SMYD3: variants seen among roughly 807,000 people sequenced by gnomAD.
SMYD3 encodes histone-lysine N-methyltransferase SMYD3.
SMYD3 carries 36 observed loss-of-function variants against 57.7 expected under a neutral mutation model. The ratio of observed to expected loss-of-function variants is 0.62; its 90% confidence interval spans 0.48 to 0.82. The LOEUF is 0.82. Ranked by LOEUF, SMYD3 falls within the 40% of genes least tolerant of loss-of-function variation. SMYD3 has a pLI of 0.00. For synonymous variants in SMYD3, 211 were observed against 195.0 expected, an observed-to-expected ratio of 1.08 and a Z score of -0.68; for missense variants, 515 against 538.8, an observed-to-expected ratio of 0.96 and a Z score of 0.44.
intron 10 of SMYD3, among the ~76,000 whole-genome samples, chr1:245,830,423 A>G (rs1418336964): frequency 6.6e-6 from 1 of 152,194 alleles, no homozygotes; most frequent in East Asian, 1.9e-4. Context: ...GGAGAACAGT[A>G]TGGGGGAAAC....
chr1:245,859,642 G>A (rs2051429962), intron 9 of SMYD3, among the ~76,000 whole-genome samples: 1 of 152,336 alleles, frequency 6.6e-6, no homozygotes, highest in Admixed American at 6.5e-5. Context: ...TGTGCGGTGT[G>A]TTAGGCGAGC....
At chr1:245,884,927 C>T (rs970029350) in intron 8 of SMYD3, among the ~76,000 whole-genome samples, 2 of 152,130 alleles carry the variant, frequency 1.3e-5, no homozygotes, top group Middle Eastern at 3.2e-3. Context: ...CTCGGGTCCC[C>T]TTCCACGCTG....
At chr1:245,926,798 G>A (rs2147831274) in intron 7 of SMYD3, among the ~76,000 whole-genome samples, 1 of 152,304 alleles carries the variant, frequency 6.6e-6, no homozygotes, top group African/African-American at 2.4e-5. Flanking sequence ...GCCCCCAAAT[G>A]AATATTGCTG....
At chr1:246,253,469 A>G (rs1443405668) in intron 5 of SMYD3, among the ~76,000 whole-genome samples, 1 of 152,168 alleles carries the variant, frequency 6.6e-6, no homozygotes, top group East Asian at 1.9e-4. Flanking sequence ...TTAAGGCCAC[A>G]TTGTATTCTG....
At chr1:246,052,493 C>T (rs907464035) in intron 5 of SMYD3, 5 of 152,236 alleles carry the variant, frequency 3.3e-5, no homozygotes, top group East Asian at 3.9e-4. Flanking sequence ...TCTAATAGTA[C>T]GCAAGTCCAC....
At chr1:246,047,776 G>T (rs1038316631) in intron 5 of SMYD3, among the ~76,000 whole-genome samples, 1 of 151,938 alleles carries the variant, frequency 6.6e-6, no homozygotes, top group East Asian at 1.9e-4. Flanking sequence ...GGAGGTCAAG[G>T]CTACAGTGAG....
intron 5 of SMYD3, among the ~76,000 whole-genome samples, chr1:246,013,372 G>C (rs931716432): frequency 6.6e-6 from 1 of 152,074 alleles, no homozygotes; most frequent in Non-Finnish European, 1.5e-5. Context: ...TAGGGATGGG[G>C]CTTCACCATG....
At chr1:246,074,182 C>T (rs2060505333) in intron 5 of SMYD3, among the ~76,000 whole-genome samples, 1 of 152,064 alleles carries the variant, frequency 6.6e-6, no homozygotes, top group African/African-American at 2.4e-5. Flanking sequence ...ACACCCCTGG[C>T]CCAGGTCAGT....
At chr1:245,827,174 C>T (rs10802273) in intron 10 of SMYD3, among the ~76,000 whole-genome samples, 127,390 of 152,112 alleles carry the variant, frequency 0.84, 54,856 homozygotes, top group Non-Finnish European at 0.95. Flanking sequence ...GGAGATTAAA[C>T]GGCACGTTCA....
At chr1:246,093,550 T>C (rs1441028201) in intron 5 of SMYD3, among the ~76,000 whole-genome samples, 1 of 152,186 alleles carries the variant, frequency 6.6e-6, no homozygotes, top group Non-Finnish European at 1.5e-5. Flanking sequence ...CTCACTCACA[T>C]GTGGGAGCTA....
At chr1:246,302,307 T>A (rs2064904133) in intron 5 of SMYD3, among the ~76,000 whole-genome samples, 1 of 152,194 alleles carries the variant, frequency 6.6e-6, no homozygotes, top group African/African-American at 2.4e-5. Flanking sequence ...ACCCTAATAA[T>A]GTTGTTTGAG....
intron 5 of SMYD3, among the ~76,000 whole-genome samples, chr1:245,936,415 T>C (rs191861841): frequency 2.7e-4 from 41 of 152,170 alleles, no homozygotes; most frequent in Non-Finnish European, 5.4e-4. Context: ...AGTGTGTGAT[T>C]TGGAATGTGC....
At chr1:246,327,402 G>T in intron 4 of SMYD3, 65 bp from the exon 5 acceptor site, 1 of 1,398,900 alleles carries the variant, frequency 7.1e-7, no homozygotes, top group Non-Finnish European at 9.9e-7. Context: ...ATTTTCAAGT[G>T]TTCAATGCTG....
chr1:246,181,563 T>G (rs2062551712), intron 5 of SMYD3, among the ~76,000 whole-genome samples: 1 of 152,170 alleles, frequency 6.6e-6, no homozygotes, highest in African/African-American at 2.4e-5. Flanking sequence ...CAACCAAAGA[T>G]CTCCTCTACA....
chr1:245,968,322 C>T (rs938339814), intron 5 of SMYD3, among the ~76,000 whole-genome samples: 1 of 151,840 alleles, frequency 6.6e-6, no homozygotes, highest in Non-Finnish European at 1.5e-5. Context: ...ATCTATTCTC[C>T]ATTCCCTGAC....
At chr1:245,970,811 G>A (rs1421012125) in intron 5 of SMYD3, among the ~76,000 whole-genome samples, 1 of 152,180 alleles carries the variant, frequency 6.6e-6, no homozygotes, top group African/African-American at 2.4e-5. Context: ...GTGCTGGAGA[G>A]GATGTGGAAA....
intron 7 of SMYD3, among the ~76,000 whole-genome samples, chr1:245,917,805 T>A (rs573501932): frequency 3.9e-5 from 6 of 152,266 alleles, no homozygotes; most frequent in Middle Eastern, 3.4e-3. Flanking sequence ...GGGGGAGAAG[T>A]GAAGACTTTG....
intron 10 of SMYD3, among the ~76,000 whole-genome samples, chr1:245,844,794 A>G (rs577155741): frequency 4.5e-4 from 68 of 152,182 alleles, no homozygotes; most frequent in African/African-American, 1.5e-3. Flanking sequence ...CATGGGTCAC[A>G]TGACCAGGGA....
At chr1:246,060,582 A>ATTTTTTTTTTTT (rs1558191811) in intron 5 of SMYD3, among the ~76,000 whole-genome samples, 2 of 152,176 alleles carry the variant, frequency 1.3e-5, no homozygotes, top group African/African-American at 4.8e-5. Context: ...CATTTTAATA[A>ATTTTTTTTTTTT]ATTTTTATGA....
Sources: gnomAD v4.1 joint callset for allele counts (sites outside exome capture counted in the v4.1 genomes callset) on GRCh38, gnomAD v4.1.1 for gene constraint, MANE v1.5 for transcripts, NCBI Gene and HGNC (gene_info 2026-07-23, HGNC 2026-07-21) for gene names.